Variants in ARHGAP26 observed in about 807,000 individuals in gnomAD.
ARHGAP26 encodes the protein rho GTPase-activating protein 26.
A neutral mutation model predicts 104.8 loss-of-function variants in ARHGAP26; 38 were observed. The observed-to-expected ratio is 0.36, with a 90% CI of 0.28 to 0.48. The LOEUF (loss-of-function observed/expected upper bound fraction) is 0.48, where lower values mean the gene tolerates loss of function less well. ARHGAP26 is among the 20% of genes least tolerant of loss of function. ARHGAP26 has a pLI of 0.99. For missense variants in ARHGAP26, 704 were observed against 947.9 expected, an observed-to-expected ratio of 0.74 and a Z score of 3.38; for synonymous variants, 341 against 340.0, an observed-to-expected ratio of 1.00 and a Z score of -0.03.
chr5:142,879,326 G>C, intron 3 of ARHGAP26, 48 bp from the exon 4 acceptor site: 1 of 1,558,970 alleles, frequency 6.4e-7, no homozygotes, highest in Non-Finnish European at 8.8e-7. Flanking sequence ...ATTCTTTACT[G>C]ATACTGCTTT....
chr5:143,203,324 C>T (rs1808064064), intron 20 of ARHGAP26: 1 of 152,170 alleles, frequency 6.6e-6, no homozygotes, highest in Non-Finnish European at 1.5e-5. Context: ...AAAAAAAACA[C>T]TCATCATCAC....
At chr5:143,154,814 A>G (rs1322993311) in intron 20 of ARHGAP26, among the ~76,000 whole-genome samples, 1 of 152,198 alleles carries the variant, frequency 6.6e-6, no homozygotes, top group Admixed American at 6.5e-5. Context: ...TGAATGGCAA[A>G]ATGAATAATA....
chr5:142,945,988 C>T (rs1355203982), intron 11 of ARHGAP26, among the ~76,000 whole-genome samples: 1 of 152,178 alleles, frequency 6.6e-6, no homozygotes. Context: ...AACATCACCA[C>T]TAGCTGATGT....
chr5:142,954,666 G>A (rs775058106), intron 11 of ARHGAP26, among the ~76,000 whole-genome samples: 15 of 152,232 alleles, frequency 9.9e-5, no homozygotes, highest in Non-Finnish European at 2.2e-4. Flanking sequence ...GCACACAGTA[G>A]CATGCAGTAC....
intron 4 of ARHGAP26, among the ~76,000 whole-genome samples, chr5:142,882,669 C>T (rs1757171483): frequency 6.6e-6 from 1 of 152,242 alleles, no homozygotes; most frequent in Non-Finnish European, 1.5e-5. Flanking sequence ...TCACCACTGT[C>T]ACCACCATTG....
chr5:143,089,083 C>A (rs1360234614), intron 17 of ARHGAP26, among the ~76,000 whole-genome samples: 2 of 152,210 alleles, frequency 1.3e-5, no homozygotes, highest in Non-Finnish European at 2.9e-5. Flanking sequence ...TACTGACGTA[C>A]TGATTCTTTG....
chr5:143,132,999 C>T (rs1263649941), intron 18 of ARHGAP26, among the ~76,000 whole-genome samples: 1 of 152,056 alleles, frequency 6.6e-6, no homozygotes, highest in African/African-American at 2.4e-5. Flanking sequence ...ACTGAGTGAG[C>T]TACATGAAAA....
intron 12 of ARHGAP26, among the ~76,000 whole-genome samples, chr5:143,035,231 T>C (rs1446263845): frequency 1.3e-5 from 2 of 152,198 alleles, no homozygotes; most frequent in African/African-American, 2.4e-5. Context: ...TCTTGGTGAT[T>C]AAAAAATGTT....
intron 17 of ARHGAP26, among the ~76,000 whole-genome samples, chr5:143,106,843 G>A (rs1599040963): frequency 6.6e-6 from 1 of 152,186 alleles, no homozygotes; most frequent in East Asian, 1.9e-4. Context: ...ACTTATTATT[G>A]CCTAGGTGTA....
rs138532001 is a variant in ARHGAP26 at position 143,153,926 on chromosome 5, A to G, written c.1988+6545A>G. 2.2e-3 allele frequency among the ~76,000 whole-genome samples: 340 copies of G among 152,282 alleles called. 5 individuals carry two copies. The highest frequency in any genetic ancestry group is 6.4e-3 in the Admixed American group (98 of 15,282). On this transcript the variant is annotated intron_variant, in intron 20 of 22. Transcript: ENST00000645722. ...AACAGTCCCTGGAATTCAAAGGATA[A>G]ACAAGGCCTGCGTCCAGACAGAGTT...
chr5:143,142,431 C>T (rs1402707468), intron 19 of ARHGAP26, among the ~76,000 whole-genome samples: 2 of 151,992 alleles, frequency 1.3e-5, no homozygotes, highest in Admixed American at 6.6e-5. Context: ...TGAGCCACTG[C>T]GCCCGGCCTA....
At chr5:143,013,989 T>C in intron 11 of ARHGAP26, 91 bp from the exon 12 acceptor site, 3 of 1,306,094 alleles carry the variant, frequency 2.3e-6, no homozygotes, top group Non-Finnish European at 2.2e-6. Flanking sequence ...TGGTGCAAAC[T>C]AGGGAAAGTG....
intron 1 of ARHGAP26, among the ~76,000 whole-genome samples, chr5:142,870,993 A>G (rs188104058): frequency 2.6e-5 from 4 of 152,338 alleles, no homozygotes; most frequent in East Asian, 1.9e-4. Context: ...AAATTCCTCT[A>G]TCAAGCCTGA....
chr5:143,138,514 G>A (rs1449849691), intron 19 of ARHGAP26, among the ~76,000 whole-genome samples: 2 of 152,224 alleles, frequency 1.3e-5, no homozygotes, highest in African/African-American at 4.8e-5. Context: ...CTGAAAGGAA[G>A]AGTTTTGAGA....
intron 6 of ARHGAP26, among the ~76,000 whole-genome samples, chr5:142,900,020 A>G (rs1247470907): frequency 6.6e-6 from 1 of 152,222 alleles, no homozygotes; most frequent in East Asian, 1.9e-4. Context: ...TTAACTGCTT[A>G]TCTTCTGCGT....
intron 17 of ARHGAP26, among the ~76,000 whole-genome samples, chr5:143,093,496 A>ATC (rs150564234): frequency 1.3e-5 from 2 of 151,258 alleles, no homozygotes; most frequent in African/African-American, 4.9e-5. Flanking sequence ...TACTATTTCT[A>ATC]TCTCTCTCTC....
At chr5:142,949,555 T>C (rs1259276391) in intron 11 of ARHGAP26, among the ~76,000 whole-genome samples, 1 of 152,284 alleles carries the variant, frequency 6.6e-6, no homozygotes, top group East Asian at 1.9e-4. Flanking sequence ...GGTATCAGTA[T>C]TTTTTCTTTG....
At chr5:142,991,498 A>G (rs1433628254) in intron 11 of ARHGAP26, among the ~76,000 whole-genome samples, 3 of 151,780 alleles carry the variant, frequency 2.0e-5, no homozygotes, top group African/African-American at 7.3e-5. Flanking sequence ...TGAACCCACT[A>G]CCTCAGCTGG....
At chr5:143,168,559 G>T (rs751556395) in intron 20 of ARHGAP26, 3 of 137,822 alleles carry the variant, frequency 2.2e-5, no homozygotes, top group Non-Finnish European at 1.5e-5. Context: ...CATCCTCTTT[G>T]CTTTGAGTTT....
Sources: allele counts gnomAD v4.1 joint callset (sites outside exome capture counted in the v4.1 genomes callset), GRCh38; gene constraint gnomAD v4.1.1; transcripts MANE v1.5; gene names NCBI Gene and HGNC (gene_info 2026-07-23, HGNC 2026-07-21).